Variants in TBL1XR1 observed in about 807,000 individuals in gnomAD.
TBL1XR1 encodes the protein TBL1X/Y related 1.
Under a neutral mutation model 66.9 loss-of-function variants are expected in TBL1XR1, and 5 were observed. The ratio of observed to expected loss-of-function variants is 0.07; its 90% CI spans 0.04 to 0.16. TBL1XR1 has a LOEUF of 0.16. TBL1XR1 is among the 10% of genes least tolerant of loss of function. The pLI, the probability that TBL1XR1 is intolerant of heterozygous loss-of-function variation, is 1.00. For synonymous variants in TBL1XR1, 210 were observed against 206.0 expected (o/e 1.02, Z -0.17); for missense variants, 238 against 623.2 (o/e 0.38, Z 6.58).
At chr3:177,170,478 GGT>G (rs1388985017) in intron 1 of TBL1XR1, among the ~76,000 whole-genome samples, 1 of 152,026 alleles carries the variant, frequency 6.6e-6, no homozygotes, top group Non-Finnish European at 1.5e-5. Flanking sequence ...ACCCTTCCCA[GGT>G]GCTCCTAAAA....
At chr3:177,134,975 G>GTGTGTGTGTGTGTGTGTCTGTT in intron 1 of TBL1XR1, among the ~76,000 whole-genome samples, 1 of 150,414 alleles carries the variant, frequency 6.6e-6, no homozygotes, top group East Asian at 2.0e-4. Flanking sequence ...GTCTGTGTGT[G>GTGTGTGTGTGTGTGTGTCTGTT]TGTCTGTGTG....
intron 1 of TBL1XR1, among the ~76,000 whole-genome samples, chr3:177,170,533 G>A (rs529366839): frequency 9.9e-5 from 15 of 152,180 alleles, no homozygotes; most frequent in South Asian, 4.1e-4. Context: ...TCCTGTTGAC[G>A]TGGCACAGTG....
At chr3:177,088,194 A>G (rs530667910) in intron 2 of TBL1XR1, among the ~76,000 whole-genome samples, 1 of 152,352 alleles carries the variant, frequency 6.6e-6, no homozygotes, top group East Asian at 1.9e-4. Flanking sequence ...ATATAAATTG[A>G]GCACCCCAAT....
At chr3:177,108,396 G>C (rs1725142066) in intron 1 of TBL1XR1, among the ~76,000 whole-genome samples, 3 of 152,108 alleles carry the variant, frequency 2.0e-5, no homozygotes, top group Admixed American at 6.5e-5. Flanking sequence ...AGAATGGAAA[G>C]AATAAGGCTT....
intron 3 of TBL1XR1, among the ~76,000 whole-genome samples, chr3:177,057,169 T>C (rs902616660): frequency 2.6e-5 from 4 of 152,232 alleles, no homozygotes; most frequent in Non-Finnish European, 5.9e-5. Context: ...ATCTAACATC[T>C]TGAATATGCT....
In TBL1XR1 at chr3:177,020,471, A is replaced by AT. The variant is rs971278687; in HGVS notation, c.*5026dup. Reference sequence around the variant, plus strand: ...TAATTTTATTATGGGCTTAAAGTATATATCTTGGGAAACAATACGTTTATG... The same window carrying AT: ...TAATTTTATTATGGGCTTAAAGTATATTATCTTGGGAAACAATACGTTTATG... On this transcript the variant is annotated 3_prime_UTR_variant, in exon 16 of 16. Transcript: ENST00000457928. 6.6e-6 allele frequency: 1 copy of AT among 152,182 alleles called. No individual in the cohort carries two copies. The highest frequency in any genetic ancestry group is 6.5e-5 in the Admixed American group (1 of 15,280). The allele number at this position is 152,182 out of a possible 1,614,324, so 9.4% of individuals were successfully genotyped here.
chr3:177,199,882 C>T (rs183246056), upstream of TBL1XR1, among the ~76,000 whole-genome samples: 383 of 152,238 alleles, frequency 2.5e-3, 1 homozygote, highest in African/African-American at 8.5e-3. Context: ...TGAAGATCAT[C>T]GAGGCTGGGG....
chr3:177,096,614 G>A (rs1345034314), intron 2 of TBL1XR1, among the ~76,000 whole-genome samples: 1 of 152,122 alleles, frequency 6.6e-6, no homozygotes, highest in Non-Finnish European at 1.5e-5. Flanking sequence ...CGACAACAAA[G>A]AAGAGTAACA....
chr3:177,046,106 C>A, intron 10 of TBL1XR1, 23 bp downstream of exon 10: 1 of 1,516,820 alleles, frequency 6.6e-7, no homozygotes, highest in South Asian at 1.3e-5. Flanking sequence ...CTCCAGCTTT[C>A]ACGTAAATTA....
intron 1 of TBL1XR1, among the ~76,000 whole-genome samples, chr3:177,181,297 C>T (rs1394496706): frequency 4.6e-5 from 7 of 151,914 alleles, no homozygotes; most frequent in African/African-American, 1.7e-4. Flanking sequence ...CTGGCCAACA[C>T]GGTGAAACCC....
chr3:177,159,717 T>A (rs1254583410), intron 1 of TBL1XR1, among the ~76,000 whole-genome samples: 1 of 152,330 alleles, frequency 6.6e-6, no homozygotes, highest in East Asian at 1.9e-4. Context: ...TACCAGCTCC[T>A]ACGAAAGTCC....
intron 1 of TBL1XR1, among the ~76,000 whole-genome samples, chr3:177,179,169 G>A (rs965689155): frequency 6.7e-6 from 1 of 150,290 alleles, no homozygotes; most frequent in African/African-American, 2.4e-5. Flanking sequence ...AGAGATGGGG[G>A]AGAATCGCAC....
At chr3:177,116,308 C>G (rs1227816418) in intron 1 of TBL1XR1, among the ~76,000 whole-genome samples, 1 of 152,124 alleles carries the variant, frequency 6.6e-6, no homozygotes, top group Non-Finnish European at 1.5e-5. Context: ...GTGGATGGCG[C>G]CACTTTCACC....
chr3:177,091,090 T>C (rs1177204763), intron 2 of TBL1XR1: 1 of 151,808 alleles, frequency 6.6e-6, no homozygotes, highest in East Asian at 1.9e-4. Context: ...AGGGACAAGC[T>C]GACCCAACTA....
At chr3:177,185,486 T>C (rs968212746) in intron 1 of TBL1XR1, among the ~76,000 whole-genome samples, 3 of 151,958 alleles carry the variant, frequency 2.0e-5, no homozygotes, top group Non-Finnish European at 4.4e-5. Flanking sequence ...GGCATGAGCC[T>C]GTCCCAGCTA....
At chr3:177,030,139 G>T (rs1404502610) in intron 14 of TBL1XR1, among the ~76,000 whole-genome samples, 8 of 151,682 alleles carry the variant, frequency 5.3e-5, no homozygotes, top group African/African-American at 1.7e-4. Context: ...TATAGAGAGA[G>T]AGAGAGAGAG....
At chr3:177,118,795 T>C (rs1329414708) in intron 1 of TBL1XR1, among the ~76,000 whole-genome samples, 3 of 149,902 alleles carry the variant, frequency 2.0e-5, no homozygotes, top group Non-Finnish European at 4.4e-5. Context: ...GTGTCGTATT[T>C]TGTCAGTTTC....
intron 14 of TBL1XR1, among the ~76,000 whole-genome samples, chr3:177,031,806 G>A (rs1407986069): frequency 1.3e-5 from 2 of 151,426 alleles, no homozygotes; most frequent in Non-Finnish European, 1.5e-5. Context: ...TTATTAAAAT[G>A]TAATGTAAGA....
At position 177,044,255 on chromosome 3, in the gene TBL1XR1, A is replaced by T. The variant is rs187851915; in HGVS notation, c.925+1874T>A. ...CTACTTAGCTTTTTGAACATATGAT[A>T]TGGTTAATCTTTGAACAATGTGAGG... On this transcript the variant is annotated intron_variant, in intron 10 of 15. Transcript: ENST00000457928. Among the ~76,000 whole-genome samples, 372 of 152,270 alleles carry T rather than the reference A, an allele frequency of 2.4e-3. 2 individuals are homozygous for T. The highest frequency in any genetic ancestry group is 7.4e-3 in the Admixed American group (113 of 15,290).
Sources: gnomAD v4.1 joint callset for allele counts (sites outside exome capture counted in the v4.1 genomes callset) on GRCh38, gnomAD v4.1.1 for gene constraint, MANE v1.5 for transcripts, NCBI Gene and HGNC (gene_info 2026-07-23, HGNC 2026-07-21) for gene names.